The following ERI3 variants were observed in gnomAD, a reference collection of about 807,000 sequenced individuals.
ERI3 encodes the protein ERI1 exoribonuclease family member 3, also known as ERI1 exoribonuclease 3.
ERI3 carries 18 observed loss-of-function variants against 44.4 expected under a neutral mutation model. The observed-to-expected ratio is 0.41, with a 90% confidence interval of 0.28 to 0.60. The LOEUF (loss-of-function observed/expected upper bound fraction) is 0.60. ERI3 is among the 20% of genes least tolerant of loss of function. The pLI is 0.36. For missense variants in ERI3, 294 were observed against 435.5 expected (o/e 0.68, Z 2.89); for synonymous variants, 183 against 164.8 (o/e 1.11, Z -0.84).
At chr1:44,331,497 C>T (rs530060212) in intron 3 of ERI3, among the ~76,000 whole-genome samples, 57 of 152,034 alleles carry the variant, frequency 3.7e-4, no homozygotes, top group Non-Finnish European at 5.6e-4. Context: ...CTTTCACCCA[C>T]ACCCCTTTTA....
At chr1:44,351,005 A>G (rs1213239618) in intron 2 of ERI3, among the ~76,000 whole-genome samples, 1 of 152,058 alleles carries the variant, frequency 6.6e-6, no homozygotes, top group East Asian at 1.9e-4. Flanking sequence ...TGTCCCCTTC[A>G]ATCCATTTTT....
chr1:44,246,485 C>T (rs187354937), intron 8 of ERI3, among the ~76,000 whole-genome samples: 2 of 152,212 alleles, frequency 1.3e-5, no homozygotes, highest in Non-Finnish European at 2.9e-5. Context: ...TGGTGGAGCA[C>T]CCCCACTTCC....
At chr1:44,313,038 T>A in intron 5 of ERI3, 131 bp downstream of exon 5, 1 of 784,736 alleles carries the variant, frequency 1.3e-6, no homozygotes, top group Admixed American at 2.0e-5. Flanking sequence ...ATGTCACTGA[T>A]GTGACAGCAA....
intron 6 of ERI3, among the ~76,000 whole-genome samples, chr1:44,294,369 T>A (rs1645568519): frequency 6.6e-6 from 1 of 152,200 alleles, no homozygotes; most frequent in Non-Finnish European, 1.5e-5. Context: ...TTATCCTATC[T>A]GCCAACTGTC....
intron 6 of ERI3, among the ~76,000 whole-genome samples, chr1:44,306,239 C>A (rs1645830002): frequency 6.6e-6 from 1 of 152,212 alleles, no homozygotes; most frequent in East Asian, 1.9e-4. Context: ...AAACCCAAAC[C>A]AGCCCACAAA....
rs190354228 is a variant in ERI3, at chr1:44,348,817, A to G, written c.211+4033T>C. On this transcript the variant is annotated intron_variant, in intron 2 of 8. Coordinates refer to ENST00000372257, the MANE Select transcript of ERI3 (RefSeq NM_024066.3). ...ACTAACACACTTTCATCTGGATGGC[A>G]AATCTGCCCTAGCTTTGACAGTACC... Among the ~76,000 whole-genome samples, 15 of 152,366 alleles carry G rather than the reference A, an allele frequency of 9.8e-5. No homozygotes were observed. In the East Asian group the frequency reaches 2.1e-3, roughly 22 times the overall value.
intron 7 of ERI3, among the ~76,000 whole-genome samples, chr1:44,260,245 C>A (rs779343483): frequency 1.3e-5 from 2 of 152,164 alleles, no homozygotes; most frequent in Non-Finnish European, 2.9e-5. Context: ...GTGGAGAGAC[C>A]CACAGTAGGG....
chr1:44,279,444 T>C (rs1483812270), intron 7 of ERI3, among the ~76,000 whole-genome samples: 2 of 152,148 alleles, frequency 1.3e-5, no homozygotes, highest in Non-Finnish European at 2.9e-5. Context: ...CAGGCTGGTC[T>C]TGAGCTCCTG....
intron 6 of ERI3, among the ~76,000 whole-genome samples, chr1:44,303,731 G>T (rs1261589825): frequency 6.6e-6 from 1 of 152,120 alleles, no homozygotes; most frequent in Non-Finnish European, 1.5e-5. Context: ...CAAGAACCTT[G>T]AAAGTCCCAA....
At chr1:44,250,744 G>A (rs1452701976) in intron 7 of ERI3, among the ~76,000 whole-genome samples, 2 of 152,304 alleles carry the variant, frequency 1.3e-5, no homozygotes, top group East Asian at 3.9e-4. Flanking sequence ...GGCATGGGGC[G>A]GGAGAGGGGG....
chr1:44,262,553 G>A (rs1473201835), intron 7 of ERI3, among the ~76,000 whole-genome samples: 2 of 152,194 alleles, frequency 1.3e-5, no homozygotes, highest in Non-Finnish European at 2.9e-5. Flanking sequence ...GCAGAGTGGG[G>A]GAGGTGGGGC....
rs60011057 is a variant in ERI3 at position 44,226,778 on chromosome 1, AACACAC to A, written c.932-5144_932-5139del. Among the ~76,000 whole-genome samples, 295 of 143,418 alleles carry A rather than the reference AACACAC, an allele frequency of 2.1e-3. 1 individual carries two copies. Among genetic ancestry groups the A allele is most frequent in the Non-Finnish European group, 2.3e-3 (152 of 65,636 alleles). 94.1% of individuals were successfully genotyped at this position (143,418 alleles called of 152,430 possible). ...TTGCTTCTCTATCTCAGCATTATTA[AACACAC>A]ACACACACACACACACACACACACA... On this transcript the variant is annotated intron_variant, in intron 8 of 8. Coordinates refer to ENST00000372257, the MANE Select transcript of ERI3 (RefSeq NM_024066.3).
intron 4 of ERI3, among the ~76,000 whole-genome samples, chr1:44,318,208 A>G (rs541745437): frequency 2.6e-5 from 4 of 152,232 alleles, no homozygotes; most frequent in Admixed American, 6.5e-5. Flanking sequence ...CAGCTCCAGC[A>G]GAATACTGTT....
At chr1:44,276,792 A>G (rs954738182) in intron 7 of ERI3, among the ~76,000 whole-genome samples, 3 of 152,154 alleles carry the variant, frequency 2.0e-5, no homozygotes, top group Non-Finnish European at 2.9e-5. Context: ...CTCTCTTACC[A>G]ATATTTTCAA....
chr1:44,300,012 T>G (rs1212467508), intron 6 of ERI3, among the ~76,000 whole-genome samples: 1 of 152,012 alleles, frequency 6.6e-6, no homozygotes, highest in African/African-American at 2.4e-5. Flanking sequence ...GGTGAAAGTC[T>G]CAGAACATAC....
chr1:44,267,296 A>T (rs775559127), intron 7 of ERI3, among the ~76,000 whole-genome samples: 5 of 152,096 alleles, frequency 3.3e-5, no homozygotes, highest in Non-Finnish European at 7.4e-5. Flanking sequence ...GACCCTGGAG[A>T]TCTGCCATTT....
rs1207952626 is a variant in ERI3 at position 44,346,003 on chromosome 1, C to T, written c.212-6681G>A. On this transcript the variant is annotated intron_variant, in intron 2 of 8. Transcript: ENST00000372257. ...ACAGAAGAGGCCAAGAGCCTGAGGA[C>T]TCTGTCTAGTTTGTTGAAGGCTAGA... Among the ~76,000 whole-genome samples the T allele has an allele frequency of 2.0e-5, 3 of 152,224 alleles. No individual in the cohort carries two copies. The East Asian group carries it at 5.8e-4, about 29-fold the overall frequency.
intron 7 of ERI3, among the ~76,000 whole-genome samples, chr1:44,263,950 C>G (rs888827154): frequency 6.6e-6 from 1 of 152,172 alleles, no homozygotes; most frequent in Non-Finnish European, 1.5e-5. Context: ...AGGAGGAAGT[C>G]AGTCAGATAC....
chr1:44,229,442 A>G (rs1435453380), intron 8 of ERI3, among the ~76,000 whole-genome samples: 1 of 152,176 alleles, frequency 6.6e-6, no homozygotes, highest in Non-Finnish European at 1.5e-5. Context: ...GGTGGGGGCC[A>G]GGCTGGGTAC....
Sources: gnomAD v4.1 joint callset for allele counts (sites outside exome capture counted in the v4.1 genomes callset) on GRCh38, gnomAD v4.1.1 for gene constraint, MANE v1.5 for transcripts, NCBI Gene and HGNC (gene_info 2026-07-23, HGNC 2026-07-21) for gene names.